POLQ: variants seen among roughly 807,000 people sequenced by gnomAD.
POLQ encodes the protein DNA polymerase theta, also known as epididymis secretory sperm binding protein.
In POLQ, 233 loss-of-function variants were observed where a neutral mutation model predicts 259.2. The ratio of observed to expected loss-of-function variants is 0.90; its 90% CI spans 0.81 to 1.00. POLQ has a LOEUF of 1.00. Among genes scored for constraint, POLQ ranks in the 50% least tolerant of loss-of-function variants. The probability of loss-of-function intolerance (pLI) is 0.00; values close to 1 mark genes in which losing one functional copy is unlikely to be tolerated. For synonymous variants in POLQ, 1,025 were observed against 1,048.8 expected (o/e 0.98, Z 0.44); for missense variants, 2,871 against 3,051.6 (o/e 0.94, Z 1.39).
At chr3:121,535,450 T>G (rs2048443223) in intron 5 of POLQ, among the ~76,000 whole-genome samples, 1 of 152,156 alleles carries the variant, frequency 6.6e-6, no homozygotes, top group South Asian at 2.1e-4. Flanking sequence ...GCACAGTGGC[T>G]CATGCCTATA....
intron 10 of POLQ, among the ~76,000 whole-genome samples, chr3:121,510,805 G>T (rs1257462170): frequency 6.6e-6 from 1 of 151,508 alleles, no homozygotes; most frequent in East Asian, 2.0e-4. Context: ...AAATAAGTGG[G>T]CCAGGCACGG....
In POLQ at chr3:121,432,287, C is replaced by T. The variant is rs1443187831; in HGVS notation, c.*17G>A. On this transcript the variant is annotated 3_prime_UTR_variant, in exon 30 of 30. Coordinates refer to ENST00000264233, the MANE Select transcript of POLQ (RefSeq NM_199420.4). ...ATCTGCACAGGCTTCCCTGGGAGGA[C>T]TTCATCAACAGCACAGTTACACATC... The T allele has an allele frequency of 2.5e-6, 4 of 1,582,988 alleles. No homozygotes were observed. The highest frequency in any genetic ancestry group is 3.8e-5 in the Admixed American group (2 of 52,704).
intron 2 of POLQ, among the ~76,000 whole-genome samples, chr3:121,541,722 A>C (rs2048491471): frequency 6.6e-6 from 1 of 152,204 alleles, no homozygotes; most frequent in South Asian, 2.1e-4. Context: ...AATACTACTG[A>C]GTACCTAGTT....
At chr3:121,445,062 T>C (rs987419945) in intron 26 of POLQ, among the ~76,000 whole-genome samples, 7 of 152,162 alleles carry the variant, frequency 4.6e-5, no homozygotes, top group African/African-American at 1.7e-4. Flanking sequence ...TAGGTAGGTT[T>C]TGTTTGTTTG....
chr3:121,452,913 C>A (rs1210151144), intron 25 of POLQ, among the ~76,000 whole-genome samples: 1 of 152,230 alleles, frequency 6.6e-6, no homozygotes, highest in Admixed American at 6.5e-5. Context: ...AGCTGGAGAT[C>A]TGAGAACAGG....
At chr3:121,479,343 T>C (rs1219550073) in intron 19 of POLQ, among the ~76,000 whole-genome samples, 1 of 131,936 alleles carries the variant, frequency 7.6e-6, no homozygotes, top group Non-Finnish European at 1.6e-5. Flanking sequence ...AAGACCCTCA[T>C]CTCTACAAAA....
Position 121,496,825 on chromosome 3 carries a change from G to C in POLQ, c.2261C>G (p.Ser754Ter). ...TAACTGACCTGCATAAACAGCAGCT[G>C]ACTGTTGCAAAGATTGAATCTGCCC... is the stretch of plus-strand genomic sequence containing the variant. Reference protein sequence around the residue: ...NRGQIQSLQQSAAVYAGMITV... With the variant: ...NRGQIQSLQQ The change falls in exon 14 of 30, where the codon TCA becomes TGA. Residue 754 changes from serine (S) to a stop codon, truncating the protein, a stop_gained. Transcript: ENST00000264233. LOFTEE classifies it high-confidence loss of function. 1 of 1,612,988 alleles carries C rather than the reference G, an allele frequency of 6.2e-7. No individual in the cohort carries two copies. The highest frequency in any genetic ancestry group is 8.5e-7 in the Non-Finnish European group (1 of 1,179,776).
intron 7 of POLQ, among the ~76,000 whole-genome samples, 184 bp from the exon 8 acceptor site, chr3:121,522,333 C>G (rs2048343300): frequency 1.2e-5 from 1 of 82,098 alleles, no homozygotes; most frequent in South Asian, 6.3e-4. Flanking sequence ...GAGACGGAGT[C>G]TCGCTCTGTC....
At chr3:121,453,945 T>G (rs1268161277) in intron 25 of POLQ, among the ~76,000 whole-genome samples, 1 of 151,990 alleles carries the variant, frequency 6.6e-6, no homozygotes, top group Non-Finnish European at 1.5e-5. Flanking sequence ...TCACCAAAGT[T>G]GAAATGAAGG....
intron 6 of POLQ, among the ~76,000 whole-genome samples, chr3:121,531,745 T>C (rs190590599): frequency 6.6e-6 from 1 of 152,154 alleles, no homozygotes; most frequent in Non-Finnish European, 1.5e-5. Flanking sequence ...ACAGACATGG[T>C]AAAAGAAGAA....
chr3:121,489,041 G>A lies in POLQ; in HGVS notation c.3890C>T (p.Thr1297Ile). 1 of 1,613,212 alleles carries A rather than the reference G, an allele frequency of 6.2e-7. No individual in the cohort carries two copies. The highest frequency in any genetic ancestry group is 8.5e-7 in the Non-Finnish European group (1 of 1,179,376). ...ATTTTTAGTTTTGTTTGTTGTATAA[G>A]TACCTGTTTTTTCTTGTAGTCTAGA... ...NISRLQEKTG[T>I]YTTNKTKNNH... is the part of the protein sequence containing the mutation. Residue 1297 changes from threonine (T) to isoleucine (I), a missense_variant, in exon 16 of 30, where the codon ACT becomes ATT. Around this residue, in one of 3 missense-constraint regions of POLQ, gnomAD observed 2,080 missense variants for 2,126.0 expected, o/e 0.98. Coordinates refer to ENST00000264233, the MANE Select transcript of POLQ (RefSeq NM_199420.4).
rs765260456 is a variant in POLQ at position 121,488,353 on chromosome 3, CAG to C, written c.4576_4577del (p.Leu1526ValfsTer8). 7.4e-6 allele frequency: 12 copies of C among 1,612,534 alleles called. No homozygotes were observed. The highest frequency in any genetic ancestry group is 1.7e-5 in the Admixed American group (1 of 59,954). On this transcript the variant is annotated frameshift_variant, in exon 16 of 30. Transcript: ENST00000264233. LOFTEE classifies it high-confidence loss of function. ...EVTSNHFSDS[L>X]CLQEDLIKKS... is the part of the protein sequence containing the mutation. ...TTTTAATTAGGTCTTCTTGTAGACA[CAG>C]AGAATCACTAAAATGGTTTGATGTT...
intron 26 of POLQ, among the ~76,000 whole-genome samples, chr3:121,444,099 C>T (rs2047614283): frequency 6.8e-6 from 1 of 146,412 alleles, no homozygotes; most frequent in South Asian, 2.2e-4. Flanking sequence ...AATTGTAGTA[C>T]TTTTTTTTTT....
chr3:121,432,483 G>A, intron 29 of POLQ, 66 bp from the exon 30 acceptor site: 2 of 1,547,018 alleles, frequency 1.3e-6, no homozygotes, highest in South Asian at 1.2e-5. Context: ...ACCATCCCCT[G>A]AGAAAGTTAT....
chr3:121,486,033 C>T (rs575333138), intron 16 of POLQ, among the ~76,000 whole-genome samples: 1 of 152,304 alleles, frequency 6.6e-6, no homozygotes, highest in South Asian at 2.1e-4. Flanking sequence ...TATACATAGC[C>T]TTATTTGACC....
At position 121,533,189 on chromosome 3, in the gene POLQ, G is replaced by C. The variant is rs141446107; in HGVS notation, c.761C>G (p.Ser254Cys). 14 of 1,595,102 alleles carry C rather than the reference G, an allele frequency of 8.8e-6. No homozygotes were observed. Among genetic ancestry groups the C allele is most frequent in the Non-Finnish European group, 1.1e-5 (13 of 1,169,906 alleles). The stretch of plus-strand genomic sequence containing the variant: ...AACGATTTGCACAGCATTAGACAGA[G>C]AACTGGCTAGATCTGCCTGACTGTA... ...SASCQADLAS[S>C]LSNAVQIVGM... Residue 254 changes from serine to cysteine, a missense_variant, in exon 6 of 30, where the codon TCT (serine) becomes TGT (cysteine). Ser to Cys is a moderately radical substitution (Grantham distance 112). Around this residue, in one of 3 missense-constraint regions of POLQ, gnomAD observed 783 missense variants for 906.2 expected, o/e 0.86. Coordinates refer to ENST00000264233, the MANE Select transcript of POLQ (RefSeq NM_199420.4).
At chr3:121,497,402 T>C (rs951013864) in intron 13 of POLQ, among the ~76,000 whole-genome samples, 2 of 152,144 alleles carry the variant, frequency 1.3e-5, no homozygotes, top group African/African-American at 2.4e-5. Flanking sequence ...ATAAATAATA[T>C]ATTAGAGACT....
At chr3:121,456,350 C>A (rs2047737177) in intron 25 of POLQ, among the ~76,000 whole-genome samples, 1 of 151,874 alleles carries the variant, frequency 6.6e-6, no homozygotes, top group Non-Finnish European at 1.5e-5. Context: ...TCTCACCACT[C>A]CTATTCAACA....
At chr3:121,476,455 TACACACACACACACACAC>T in intron 20 of POLQ, 67 bp downstream of exon 20, 1 of 726,916 alleles carries the variant, frequency 1.4e-6, no homozygotes, top group Non-Finnish European at 2.2e-6. Flanking sequence ...TTCAGGTAAA[TACACACACACACACACAC>T]ACACACACAC....
Sources: allele counts gnomAD v4.1 joint callset (sites outside exome capture counted in the v4.1 genomes callset), GRCh38; gene constraint gnomAD v4.1.1; regional missense constraint gnomAD v4.1.1; transcripts MANE v1.5; gene names NCBI Gene and HGNC (gene_info 2026-07-23, HGNC 2026-07-21).